The following BCL7A variants were observed in gnomAD, a reference collection of about 807,000 sequenced individuals.
BCL7A encodes B-cell CLL/lymphoma 7 protein family member A.
A neutral mutation model predicts 28.4 loss-of-function variants in BCL7A; 11 were observed. The ratio of observed to expected loss-of-function variants is 0.39; its 90% CI spans 0.24 to 0.64. BCL7A has a LOEUF of 0.64. Ranked by LOEUF, BCL7A falls within the 30% of genes least tolerant of loss-of-function variation. The probability of loss-of-function intolerance (pLI) is 0.50; values close to 1 mark genes in which losing one functional copy is unlikely to be tolerated. For synonymous variants in BCL7A, 123 were observed against 103.3 expected (o/e 1.19, Z -1.15); for missense variants, 222 against 274.8 (o/e 0.81, Z 1.36).
intron 1 of BCL7A, among the ~76,000 whole-genome samples, chr12:122,023,579 T>C (rs1883528796): frequency 6.6e-6 from 1 of 152,308 alleles, no homozygotes; most frequent in African/African-American, 2.4e-5. Flanking sequence ...GATGGCCGGA[T>C]GCCCGGCCGT....
chr12:122,061,780 G>A lies in BCL7A; in HGVS notation c.*2617G>A, dbSNP rs1951925658. On this transcript the variant is annotated 3_prime_UTR_variant, in exon 6 of 6. Coordinates refer to ENST00000261822, the MANE Select transcript of BCL7A (RefSeq NM_001024808.3). The stretch of plus-strand genomic sequence containing the variant: ...TGGCACTTACACCCACAACCCGGAA[G>A]GCTGTGGACCGATTCCTCTAGGGTG... 8.7e-6 allele frequency: 2 copies of A among 230,028 alleles called. No homozygotes were observed. The highest frequency in any genetic ancestry group is 4.4e-5 in the African/African-American group (2 of 45,092). 14.2% of individuals were successfully genotyped at this position (230,028 alleles called of 1,614,324 possible). A position where few individuals can be genotyped will look rare whatever the true frequency, so the allele number is the denominator to read the frequency against.
chr12:122,054,532 G>T (rs1366093923), intron 4 of BCL7A, among the ~76,000 whole-genome samples: 1 of 152,206 alleles, frequency 6.6e-6, no homozygotes, highest in Non-Finnish European at 1.5e-5. Flanking sequence ...AGAGACTGCA[G>T]CCTCCTCCAG....
intron 1 of BCL7A, among the ~76,000 whole-genome samples, chr12:122,025,327 A>G (rs577897323): frequency 1.3e-5 from 2 of 151,452 alleles, no homozygotes; most frequent in East Asian, 3.9e-4. Context: ...CCAAAAAAAA[A>G]GAAAAAGAAA....
chr12:122,023,033 A>G (rs943674836), intron 1 of BCL7A, among the ~76,000 whole-genome samples: 1 of 151,782 alleles, frequency 6.6e-6, no homozygotes, highest in Non-Finnish European at 1.5e-5. Context: ...TGCACCGGGG[A>G]GAGGGGGACT....
At chr12:122,025,549 C>T (rs1417199323) in intron 1 of BCL7A, among the ~76,000 whole-genome samples, 1 of 151,574 alleles carries the variant, frequency 6.6e-6, no homozygotes, top group East Asian at 1.9e-4. Flanking sequence ...ATGGCGGGAA[C>T]CCAGGAGGTG....
chr12:122,050,460 C>T (rs73217764), intron 4 of BCL7A, among the ~76,000 whole-genome samples: 198 of 152,342 alleles, frequency 1.3e-3, no homozygotes, highest in Middle Eastern at 6.8e-3. Context: ...GCCTTCGCTG[C>T]GTACAGTATG....
chr12:122,053,956 A>G (rs1340806378), intron 4 of BCL7A, among the ~76,000 whole-genome samples: 1 of 152,126 alleles, frequency 6.6e-6, no homozygotes, highest in Non-Finnish European at 1.5e-5. Context: ...GAAAGACGGG[A>G]ATTAATCCTC....
chr12:122,045,135 C>G (rs1008508215), intron 4 of BCL7A, among the ~76,000 whole-genome samples: 1 of 152,110 alleles, frequency 6.6e-6, no homozygotes, highest in Non-Finnish European at 1.5e-5. Flanking sequence ...AATCCCAGCA[C>G]TTTGGGAGGC....
rs539500234 is a variant in BCL7A, at chr12:122,054,800, C to T, written c.440-5C>T. On this transcript the variant is annotated splice_region_variant and splice_polypyrimidine_tract_variant and intron_variant, in intron 4 of 5. Transcript: ENST00000261822. ...ACAGCTCCTGTCGTCTTGCTCTTCC[C>T]TCAGATGCTTCTGATGAGCAGAATT... 6.2e-6 allele frequency: 10 copies of T among 1,612,724 alleles called. No homozygotes were observed. Among genetic ancestry groups the T allele is most frequent in the Non-Finnish European group, 8.5e-6 (10 of 1,179,048 alleles).
intron 4 of BCL7A, among the ~76,000 whole-genome samples, chr12:122,050,700 G>A (rs1331891501): frequency 1.3e-5 from 2 of 152,250 alleles, no homozygotes; most frequent in Admixed American, 6.5e-5. Flanking sequence ...GGAGGCTAAG[G>A]TGGGAGGATC....
intron 1 of BCL7A, among the ~76,000 whole-genome samples, chr12:122,025,404 C>G (rs1468861173): frequency 1.3e-5 from 2 of 151,684 alleles, no homozygotes; most frequent in Non-Finnish European, 2.9e-5. Flanking sequence ...GCAGGCGGAT[C>G]ACGAGGTCAG....
At chr12:122,048,566 C>T (rs975023807) in intron 4 of BCL7A, among the ~76,000 whole-genome samples, 3 of 152,004 alleles carry the variant, frequency 2.0e-5, no homozygotes, top group Non-Finnish European at 4.4e-5. Context: ...GCCTGAGCAA[C>T]GTGGTGAAAC....
chr12:122,025,322 AAAAAAG>A (rs1220836729), intron 1 of BCL7A, among the ~76,000 whole-genome samples: 1 of 151,524 alleles, frequency 6.6e-6, no homozygotes, highest in African/African-American at 2.4e-5. Flanking sequence ...TCAAACCAAA[AAAAAAG>A]AAAAAGAAAA....
chr12:122,047,899 CT>C lies in BCL7A; in HGVS notation c.439+3867del, dbSNP rs776109345. On this transcript the variant is annotated intron_variant, in intron 4 of 5. Coordinates refer to ENST00000261822, the MANE Select transcript of BCL7A (RefSeq NM_001024808.3). The stretch of plus-strand genomic sequence containing the variant: ...TGGAAAAGAAAAAGGCTGGAGAAGG[CT>C]TTTTTTTTTTTTTTTTTTTTGAGAC... Among the ~76,000 whole-genome samples the C allele has an allele frequency of 8.6e-3, 864 of 101,014 alleles. 1 individual carries two copies. Among genetic ancestry groups the C allele is most frequent in the Middle Eastern group, 0.021 (3 of 142 alleles). 66.3% of individuals were successfully genotyped at this position (101,014 alleles called of 152,430 possible).
intron 1 of BCL7A, among the ~76,000 whole-genome samples, chr12:122,025,946 CAAAA>C (rs1204623444): frequency 4.6e-5 from 5 of 108,178 alleles, no homozygotes; most frequent in Admixed American, 2.4e-4. Flanking sequence ...GACTCCATCT[CAAAA>C]AAAAAAAAAA....
intron 2 of BCL7A, among the ~76,000 whole-genome samples, chr12:122,034,083 C>T (rs1320558609): frequency 6.7e-6 from 1 of 150,020 alleles, no homozygotes; most frequent in Non-Finnish European, 1.5e-5. Flanking sequence ...AGGGAGACTT[C>T]GCTCGCAAAC....
Position 122,060,104 on chromosome 12 carries a change from C to T in BCL7A, c.*941C>T. 1 of 233,244 alleles carries T rather than the reference C, an allele frequency of 4.3e-6. No homozygotes were observed. Among genetic ancestry groups the T allele is most frequent in the Non-Finnish European group, 8.5e-6 (1 of 117,752 alleles). The allele number at this position is 233,244 out of a possible 1,614,324, so 14.4% of individuals were successfully genotyped here. ...TAAGGCACTGAGTGGGCCGGGGAGG[C>T]TGGGAGCCGGCGGCAGGATTAGCTG... On this transcript the variant is annotated 3_prime_UTR_variant, in exon 6 of 6. Coordinates refer to ENST00000261822, the MANE Select transcript of BCL7A (RefSeq NM_001024808.3).
chr12:122,037,000 C>A (rs1309319289), intron 3 of BCL7A, among the ~76,000 whole-genome samples: 1 of 152,184 alleles, frequency 6.6e-6, no homozygotes, highest in Non-Finnish European at 1.5e-5. Context: ...CCACCGCACC[C>A]GTCCCTAAAG....
At chr12:122,025,098 A>C (rs1883587411) in intron 1 of BCL7A, among the ~76,000 whole-genome samples, 1 of 152,186 alleles carries the variant, frequency 6.6e-6, no homozygotes, top group East Asian at 1.9e-4. Flanking sequence ...GGAAAACAAA[A>C]TGGTGGGCCT....
Sources: gnomAD v4.1 joint callset for allele counts (sites outside exome capture counted in the v4.1 genomes callset) on GRCh38, gnomAD v4.1.1 for gene constraint, MANE v1.5 for transcripts, NCBI Gene and HGNC (gene_info 2026-07-23, HGNC 2026-07-21) for gene names.